DSCAM: variants seen among roughly 807,000 people sequenced by gnomAD.
The protein encoded by DSCAM is DS cell adhesion molecule, also known as cell adhesion molecule DSCAM.
In DSCAM, 47 loss-of-function variants were observed where a neutral mutation model predicts 217.7. That is an observed-to-expected ratio of 0.22 (90% CI 0.17 to 0.28). DSCAM has a LOEUF of 0.28. Ranked by LOEUF, DSCAM falls within the 10% of genes least tolerant of loss-of-function variation. The probability of loss-of-function intolerance (pLI) is 1.00; values close to 1 mark genes in which losing one functional copy is unlikely to be tolerated. For missense variants in DSCAM, 2,080 were observed against 2,618.3 expected (o/e 0.79, Z 4.49); for synonymous variants, 1,056 against 1,015.3 (o/e 1.04, Z -0.76).
rs546219160 is a variant in DSCAM at position 40,777,452 on chromosome 21, T to C, written c.44-68681A>G. On this transcript the variant is annotated intron_variant, in intron 1 of 32. Coordinates refer to ENST00000400454, the MANE Select transcript of DSCAM (RefSeq NM_001389.5). ...TAATATAAATGGAAATCAACAGCCA[T>C]CAGATATTCAAGGAATGCTTGCATC... 2.0e-5 allele frequency among the ~76,000 whole-genome samples: 3 copies of C among 152,218 alleles called. No individual in the cohort carries two copies. The South Asian group carries it at 6.2e-4, about 32-fold the overall frequency.
At chr21:40,812,734 T>A (rs763208752) in intron 1 of DSCAM, among the ~76,000 whole-genome samples, 38 of 152,164 alleles carry the variant, frequency 2.5e-4, no homozygotes, top group Non-Finnish European at 5.0e-4. Context: ...TAGAAGATGA[T>A]GTAGAATAAA....
intron 14 of DSCAM, among the ~76,000 whole-genome samples, chr21:40,186,312 C>T (rs73230326): frequency 0.28 from 42,732 of 151,934 alleles, 6,100 homozygotes; most frequent in South Asian, 0.37. Context: ...TCTGAAATAA[C>T]GTGCGGTATC....
intron 11 of DSCAM, among the ~76,000 whole-genome samples, chr21:40,249,000 C>T (rs967892013): frequency 2.6e-5 from 4 of 152,130 alleles, no homozygotes; most frequent in Admixed American, 6.6e-5. Context: ...CACCATCACA[C>T]GAATAGCACA....
chr21:40,413,239 G>A (rs746880143), intron 3 of DSCAM, among the ~76,000 whole-genome samples: 3 of 152,208 alleles, frequency 2.0e-5, no homozygotes, highest in Non-Finnish European at 2.9e-5. Context: ...CCACCTAGTA[G>A]AGCCAAAAGA....
rs192802912 is a variant in DSCAM at position 40,307,272 on chromosome 21, G to A, written c.2062+4809C>T. Reference sequence around the variant, plus strand: ...ACAACCCCATCAAAAAGTAGGCAAAGGACATGAACAGACACTTCTCAAAAG... The same window carrying A: ...ACAACCCCATCAAAAAGTAGGCAAAAGACATGAACAGACACTTCTCAAAAG... On this transcript the variant is annotated intron_variant, in intron 9 of 32. Transcript: ENST00000400454. Among the ~76,000 whole-genome samples the A allele has an allele frequency of 8.3e-3, 1,262 of 151,608 alleles. 16 individuals carry two copies. Among genetic ancestry groups the A allele is most frequent in the African/African-American group, 0.025 (1,035 of 41,328 alleles).
intron 8 of DSCAM, among the ~76,000 whole-genome samples, chr21:40,326,615 G>A (rs569062088): frequency 3.0e-4 from 45 of 152,334 alleles, no homozygotes; most frequent in Admixed American, 5.2e-4. Context: ...AAGAGCTAGA[G>A]AAGGCATATT....
chr21:40,609,876 G>A (rs1161130996), intron 3 of DSCAM, among the ~76,000 whole-genome samples: 1 of 152,172 alleles, frequency 6.6e-6, no homozygotes, highest in Admixed American at 6.5e-5. Flanking sequence ...AGACTATCAC[G>A]GCTGCCTCAA....
intron 1 of DSCAM, among the ~76,000 whole-genome samples, chr21:40,773,887 T>C (rs1282005788): frequency 2.0e-5 from 3 of 152,214 alleles, no homozygotes; most frequent in Non-Finnish European, 2.9e-5. Flanking sequence ...GTCAGCTGTT[T>C]GAAGCAACTG....
chr21:40,463,127 A>C (rs919057231), intron 3 of DSCAM, among the ~76,000 whole-genome samples: 1 of 152,140 alleles, frequency 6.6e-6, no homozygotes, highest in Non-Finnish European at 1.5e-5. Context: ...TATTCAGCCT[A>C]ATAACGAGCA....
intron 11 of DSCAM, among the ~76,000 whole-genome samples, chr21:40,274,994 C>T (rs970188882): frequency 2.6e-5 from 4 of 151,868 alleles, no homozygotes; most frequent in Non-Finnish European, 5.9e-5. Context: ...AGAGACTTTT[C>T]CAAACTATCC....
intron 1 of DSCAM, among the ~76,000 whole-genome samples, chr21:40,754,066 C>T (rs971812689): frequency 2.6e-5 from 4 of 152,154 alleles, no homozygotes; most frequent in South Asian, 4.2e-4. Flanking sequence ...AAGAAACAGC[C>T]GTGAGGTCTT....
chr21:40,456,475 T>C (rs141564163), intron 3 of DSCAM, among the ~76,000 whole-genome samples: 199 of 152,054 alleles, frequency 1.3e-3, no homozygotes, highest in African/African-American at 4.2e-3. Flanking sequence ...CATTTTCAAA[T>C]GGGAAAATAG....
chr21:40,291,648 G>T (rs181034635), intron 10 of DSCAM, among the ~76,000 whole-genome samples: 1 of 152,092 alleles, frequency 6.6e-6, no homozygotes, highest in Non-Finnish European at 1.5e-5. Flanking sequence ...GGTCTCCCTC[G>T]GAGGACAGGA....
At chr21:40,214,136 A>G (rs1320662477) in intron 11 of DSCAM, among the ~76,000 whole-genome samples, 2 of 152,182 alleles carry the variant, frequency 1.3e-5, no homozygotes, top group Non-Finnish European at 2.9e-5. Flanking sequence ...TCTTGCTCCT[A>G]AGGATTTCAG....
intron 3 of DSCAM, among the ~76,000 whole-genome samples, chr21:40,634,842 T>C (rs1220204049): frequency 1.3e-5 from 2 of 152,206 alleles, no homozygotes; most frequent in Non-Finnish European, 2.9e-5. Context: ...TCACCAACCA[T>C]CCTGTTTAAA....
At chr21:40,444,981 A>G (rs2075662677) in intron 3 of DSCAM, among the ~76,000 whole-genome samples, 1 of 152,170 alleles carries the variant, frequency 6.6e-6, no homozygotes, top group South Asian at 2.1e-4. Flanking sequence ...TTGGGCTGCT[A>G]TAACAAAATA....
intron 3 of DSCAM, among the ~76,000 whole-genome samples, chr21:40,560,966 GT>G (rs961753266): frequency 6.6e-5 from 10 of 152,164 alleles, no homozygotes; most frequent in Non-Finnish European, 1.0e-4. Context: ...ATATGCTTAT[GT>G]AAAAATCCCA....
At chr21:40,686,367 CACT>C (rs199830500) in intron 3 of DSCAM, among the ~76,000 whole-genome samples, 228 of 151,592 alleles carry the variant, frequency 1.5e-3, no homozygotes, top group African/African-American at 5.2e-3. Flanking sequence ...ACACCACACA[CACT>C]ACACACACAT....
chr21:40,382,527 C>A (rs1464933158), intron 3 of DSCAM, among the ~76,000 whole-genome samples: 2 of 152,144 alleles, frequency 1.3e-5, no homozygotes, highest in East Asian at 3.9e-4. Context: ...TCTTGGATTA[C>A]ATTTGTTTCC....
Sources: allele counts gnomAD v4.1 joint callset (sites outside exome capture counted in the v4.1 genomes callset), GRCh38; gene constraint gnomAD v4.1.1; transcripts MANE v1.5; gene names NCBI Gene and HGNC (gene_info 2026-07-23, HGNC 2026-07-21).